MACROD2: variants seen among roughly 807,000 people sequenced by gnomAD.
The protein encoded by MACROD2 is mono-ADP ribosylhydrolase 2.
In MACROD2, 36 loss-of-function variants were observed where a neutral mutation model predicts 70.4. The ratio of observed to expected loss-of-function variants is 0.51; its 90% CI spans 0.39 to 0.68. The LOEUF (loss-of-function observed/expected upper bound fraction) is 0.68, where lower values mean the gene tolerates loss of function less well. MACROD2 is among the 30% of genes least tolerant of loss of function. The pLI is 0.00. For missense variants in MACROD2, 496 were observed against 538.4 expected, an observed-to-expected ratio of 0.92 and a Z score of 0.78; for synonymous variants, 172 against 178.8, an observed-to-expected ratio of 0.96 and a Z score of 0.30.
At chr20:14,476,078 G>A (rs2084591279) in intron 3 of MACROD2, among the ~76,000 whole-genome samples, 1 of 152,068 alleles carries the variant, frequency 6.6e-6, no homozygotes, top group Admixed American at 6.5e-5. Context: ...TGAACCAACT[G>A]CTGAATATAT....
intron 3 of MACROD2, among the ~76,000 whole-genome samples, chr20:14,459,678 A>G (rs915638654): frequency 1.3e-5 from 2 of 152,032 alleles, no homozygotes; most frequent in African/African-American, 4.8e-5. Context: ...GTTATAAATA[A>G]TGAGCACAAA....
chr20:15,036,129 T>C (rs1300659494), intron 5 of MACROD2, among the ~76,000 whole-genome samples: 3 of 152,052 alleles, frequency 2.0e-5, no homozygotes, highest in Non-Finnish European at 4.4e-5. Flanking sequence ...TATCAGTCTC[T>C]CTAGTTAGTT....
At chr20:15,911,093 C>T (rs2065229959) in intron 10 of MACROD2, among the ~76,000 whole-genome samples, 1 of 152,200 alleles carries the variant, frequency 6.6e-6, no homozygotes, top group Admixed American at 6.5e-5. Flanking sequence ...CTCCGATTGG[C>T]TAGACTCTGA....
chr20:15,472,666 C>A (rs541865965), intron 7 of MACROD2, among the ~76,000 whole-genome samples: 1 of 152,152 alleles, frequency 6.6e-6, no homozygotes, highest in Non-Finnish European at 1.5e-5. Flanking sequence ...ATATTTCCCA[C>A]CTTTTCCCCT....
chr20:14,582,053 T>G (rs572509409), intron 4 of MACROD2, among the ~76,000 whole-genome samples: 9 of 87,680 alleles, frequency 1.0e-4, no homozygotes, highest in African/African-American at 2.7e-4. Flanking sequence ...GCTTTCCCCC[T>G]TCCTGTTTTA....
chr20:14,433,822 A>G (rs1464727312), intron 3 of MACROD2, among the ~76,000 whole-genome samples: 1 of 152,106 alleles, frequency 6.6e-6, no homozygotes, highest in Non-Finnish European at 1.5e-5. Context: ...AATCTGGGAA[A>G]GCAATTCCCA....
At chr20:14,692,579 T>C (rs748966947) in intron 5 of MACROD2, among the ~76,000 whole-genome samples, 6 of 152,148 alleles carry the variant, frequency 3.9e-5, no homozygotes, top group Non-Finnish European at 7.4e-5. Context: ...GAAAGCATTG[T>C]TTTTATCTCC....
intron 8 of MACROD2, among the ~76,000 whole-genome samples, chr20:15,786,412 G>C (rs1285900898): frequency 6.6e-6 from 1 of 152,116 alleles, no homozygotes; most frequent in African/African-American, 2.4e-5. Context: ...TGAAGTTACT[G>C]AACTGCAAGG....
chr20:14,846,367 G>T (rs1202986488), intron 5 of MACROD2, among the ~76,000 whole-genome samples: 1 of 151,974 alleles, frequency 6.6e-6, no homozygotes, highest in Non-Finnish European at 1.5e-5. Flanking sequence ...GGAGTTACAG[G>T]CGCACGCCAC....
intron 8 of MACROD2, among the ~76,000 whole-genome samples, chr20:15,711,896 C>T (rs2050634633): frequency 6.6e-6 from 1 of 152,302 alleles, no homozygotes; most frequent in African/African-American, 2.4e-5. Context: ...TTCTAAATAA[C>T]ATTAGCATGT....
chr20:14,601,405 C>T (rs1982488832), intron 4 of MACROD2, among the ~76,000 whole-genome samples: 1 of 152,098 alleles, frequency 6.6e-6, no homozygotes, highest in Non-Finnish European at 1.5e-5. Flanking sequence ...GGTGGTAAGG[C>T]TTACTGGCCA....
chr20:13,998,510 G>T (rs533733844), intron 1 of MACROD2, among the ~76,000 whole-genome samples: 1 of 152,124 alleles, frequency 6.6e-6, no homozygotes, highest in African/African-American at 2.4e-5. Context: ...TTTTATTTGT[G>T]ATCTGAGCTT....
chr20:15,900,944 C>T (rs948666180), intron 10 of MACROD2, among the ~76,000 whole-genome samples: 2 of 152,232 alleles, frequency 1.3e-5, no homozygotes, highest in East Asian at 3.9e-4. Flanking sequence ...AAACACCGGG[C>T]ACATTGAGTA....
At chr20:14,855,187 A>T (rs1471752759) in intron 5 of MACROD2, among the ~76,000 whole-genome samples, 1 of 152,154 alleles carries the variant, frequency 6.6e-6, no homozygotes, top group Non-Finnish European at 1.5e-5. Context: ...ATTGTGGTTA[A>T]ACTTGGGAAG....
At chr20:15,359,895 G>A (rs987874769) in intron 6 of MACROD2, among the ~76,000 whole-genome samples, 1 of 151,996 alleles carries the variant, frequency 6.6e-6, no homozygotes, top group Non-Finnish European at 1.5e-5. Flanking sequence ...ACATAGTTCC[G>A]TGTCCTTTGA....
At chr20:14,181,507 C>A (rs1396881695) in intron 3 of MACROD2, among the ~76,000 whole-genome samples, 1 of 151,942 alleles carries the variant, frequency 6.6e-6, no homozygotes, top group South Asian at 2.1e-4. Context: ...ATAAAACTTA[C>A]CTCTTTAAAG....
chr20:15,708,372 A>G (rs1176181097), intron 8 of MACROD2, among the ~76,000 whole-genome samples: 2 of 152,062 alleles, frequency 1.3e-5, no homozygotes, highest in African/African-American at 4.8e-5. Flanking sequence ...GAGGTCAGGG[A>G]GGGCTTGGCT....
chr20:15,394,275 G>A (rs2045832245), intron 6 of MACROD2, among the ~76,000 whole-genome samples: 1 of 152,180 alleles, frequency 6.6e-6, no homozygotes, highest in Admixed American at 6.5e-5. Flanking sequence ...GAACAAGAAA[G>A]GAAAACAAAT....
intron 5 of MACROD2, among the ~76,000 whole-genome samples, chr20:15,183,734 T>C (rs2076516280): frequency 6.6e-6 from 1 of 152,204 alleles, no homozygotes; most frequent in African/African-American, 2.4e-5. Context: ...GCATCCAGAA[T>C]GATAGGCTTG....
Sources: gnomAD v4.1 joint callset for allele counts (sites outside exome capture counted in the v4.1 genomes callset) on GRCh38, gnomAD v4.1.1 for gene constraint, MANE v1.5 for transcripts, NCBI Gene and HGNC (gene_info 2026-07-23, HGNC 2026-07-21) for gene names.